Variants in ST6GAL1 observed in about 807,000 individuals in gnomAD.
ST6GAL1 encodes the protein beta-galactoside alpha-2,6-sialyltransferase 1.
A neutral mutation model predicts 38.0 loss-of-function variants in ST6GAL1; 20 were observed. That is an observed-to-expected ratio of 0.53 (90% CI 0.37 to 0.77). The LOEUF (loss-of-function observed/expected upper bound fraction) is 0.77, where lower values mean the gene tolerates loss of function less well. ST6GAL1 is among the 30% of genes least tolerant of loss of function. ST6GAL1 has a pLI of 0.00. For missense variants in ST6GAL1, 432 were observed against 496.4 expected, an observed-to-expected ratio of 0.87 and a Z score of 1.23; for synonymous variants, 196 against 188.2, an observed-to-expected ratio of 1.04 and a Z score of -0.34.
intron 2 of ST6GAL1, among the ~76,000 whole-genome samples, chr3:187,013,299 CT>C (rs1436683264): frequency 1.3e-5 from 2 of 152,186 alleles, no homozygotes; most frequent in African/African-American, 4.8e-5. Context: ...ATTACTTCCC[CT>C]GTGCTTTCCC....
At chr3:186,996,723 A>G (rs2108549708) in intron 2 of ST6GAL1, 1 of 152,146 alleles carries the variant, frequency 6.6e-6, no homozygotes, top group African/African-American at 2.4e-5. Flanking sequence ...TGTACATCAT[A>G]CCCTGATGTT....
At position 187,076,613 on chromosome 3, in the gene ST6GAL1, G is replaced by T. The variant is rs1719569767; in HGVS notation, c.*810G>T. On this transcript the variant is annotated 3_prime_UTR_variant, in exon 8 of 8. Transcript: ENST00000169298. ...CCAGGAGGGCCACGCACTTAAAACT[G>T]TGTTTGTGGATCAGAGAAGGCTTTA... 5 of 387,118 alleles carry T rather than the reference G, an allele frequency of 1.3e-5. No homozygotes were observed. The highest frequency in any genetic ancestry group is 2.3e-5 in the Non-Finnish European group (5 of 219,642). 24.0% of individuals were successfully genotyped at this position (387,118 alleles called of 1,614,324 possible).
chr3:187,058,787 A>C (rs530974144), intron 5 of ST6GAL1, among the ~76,000 whole-genome samples: 1 of 152,084 alleles, frequency 6.6e-6, no homozygotes, highest in African/African-American at 2.4e-5. Context: ...GATTACAGGC[A>C]TGCACCACCA....
chr3:187,074,363 A>C (rs747143942), intron 7 of ST6GAL1, 30 bp downstream of exon 7: 1 of 1,515,714 alleles, frequency 6.6e-7, no homozygotes, highest in Non-Finnish European at 8.8e-7. Flanking sequence ...AAGACCTTGC[A>C]TGTTTGTTTC....
chr3:187,062,634 G>A (rs1175004929), intron 5 of ST6GAL1, among the ~76,000 whole-genome samples: 4 of 148,488 alleles, frequency 2.7e-5, no homozygotes, highest in African/African-American at 7.3e-5. Context: ...GGTTGCCAGG[G>A]AATGTGAGGT....
chr3:187,025,563 G>A (rs2108568836), intron 2 of ST6GAL1: 1 of 152,434 alleles, frequency 6.6e-6, no homozygotes, highest in African/African-American at 2.4e-5. Context: ...GTGTAGTGGG[G>A]AGTGGGCATT....
At chr3:186,936,697 TTGGGAGGC>T (rs1713964312) in intron 1 of ST6GAL1, among the ~76,000 whole-genome samples, 1 of 152,120 alleles carries the variant, frequency 6.6e-6, no homozygotes, top group Non-Finnish European at 1.5e-5. Context: ...TTTCAGCACT[TTGGGAGGC>T]TGAAGCAGCT....
chr3:186,996,383 T>G (rs1579307172), intron 2 of ST6GAL1, among the ~76,000 whole-genome samples: 2 of 152,360 alleles, frequency 1.3e-5, no homozygotes, highest in South Asian at 2.1e-4. Context: ...CATGATGGCA[T>G]AGCTTTGTGC....
chr3:186,990,855 T>C (rs997562474), intron 2 of ST6GAL1, among the ~76,000 whole-genome samples: 1 of 151,904 alleles, frequency 6.6e-6, no homozygotes, highest in Non-Finnish European at 1.5e-5. Context: ...CTTCTGGCAT[T>C]ACCCAGGAGC....
chr3:186,941,060 GGCTGTTT>G (rs1340074107), intron 1 of ST6GAL1, among the ~76,000 whole-genome samples: 1 of 152,156 alleles, frequency 6.6e-6, no homozygotes, highest in Non-Finnish European at 1.5e-5. Flanking sequence ...GCTACCAAGA[GGCTGTTT>G]GCATGGAAGG....
chr3:186,949,290 T>C (rs1299583805), intron 1 of ST6GAL1, among the ~76,000 whole-genome samples: 2 of 152,162 alleles, frequency 1.3e-5, no homozygotes, highest in East Asian at 3.9e-4. Context: ...AGCTGTGACG[T>C]GGCAGCCAGG....
intron 2 of ST6GAL1, among the ~76,000 whole-genome samples, chr3:186,982,927 C>A (rs1715743722): frequency 6.6e-6 from 1 of 151,030 alleles, no homozygotes; most frequent in Non-Finnish European, 1.5e-5. Flanking sequence ...GGTGATCCAG[C>A]CACCTCGTCC....
intron 5 of ST6GAL1, among the ~76,000 whole-genome samples, chr3:187,058,737 G>A (rs1021001857): frequency 1.3e-5 from 2 of 151,884 alleles, no homozygotes; most frequent in African/African-American, 4.8e-5. Context: ...CTTTTCCTGG[G>A]TTCAAGCGAT....
At chr3:186,953,632 G>A (rs924083571) in intron 1 of ST6GAL1, among the ~76,000 whole-genome samples, 1 of 152,024 alleles carries the variant, frequency 6.6e-6, no homozygotes, top group Non-Finnish European at 1.5e-5. Context: ...CTTCCATGAG[G>A]GCAAGGATGT....
intron 1 of ST6GAL1, among the ~76,000 whole-genome samples, chr3:186,957,083 A>C (rs1237161255): frequency 6.6e-6 from 1 of 152,220 alleles, no homozygotes; most frequent in Non-Finnish European, 1.5e-5. Context: ...TAGAAGAATA[A>C]ATCAGTAGAG....
chr3:187,051,642 G>T, intron 5 of ST6GAL1: 1 of 350,994 alleles, frequency 2.8e-6, no homozygotes, highest in East Asian at 6.0e-5. Context: ...TTTACATGAG[G>T]GACAGCAGAG....
chr3:187,001,746 A>G (rs1401776958), intron 2 of ST6GAL1, among the ~76,000 whole-genome samples: 2 of 152,178 alleles, frequency 1.3e-5, no homozygotes, highest in Admixed American at 6.5e-5. Context: ...TCACGAGGTC[A>G]GGAGTTTGAG....
At chr3:187,030,460 G>GTC (rs1260042983) in intron 2 of ST6GAL1, among the ~76,000 whole-genome samples, 1 of 152,158 alleles carries the variant, frequency 6.6e-6, no homozygotes, top group Non-Finnish European at 1.5e-5. Context: ...TTTAGACAGA[G>GTC]TCTTGCTCTG....
intron 2 of ST6GAL1, among the ~76,000 whole-genome samples, chr3:187,008,151 A>G (rs1716842470): frequency 6.6e-6 from 1 of 152,158 alleles, no homozygotes; most frequent in African/African-American, 2.4e-5. Flanking sequence ...TCAAATTTAA[A>G]GAAAAACGTA....
Sources: allele counts gnomAD v4.1 joint callset (sites outside exome capture counted in the v4.1 genomes callset), GRCh38; gene constraint gnomAD v4.1.1; transcripts MANE v1.5; gene names NCBI Gene and HGNC (gene_info 2026-07-23, HGNC 2026-07-21).